The following KIF5C variants were observed in gnomAD, a reference collection of about 807,000 sequenced individuals.
KIF5C encodes kinesin family member 5C.
KIF5C carries 18 observed loss-of-function variants against 125.2 expected under a neutral mutation model. The observed-to-expected ratio is 0.14, with a 90% CI of 0.10 to 0.21. KIF5C has a LOEUF of 0.21. Among genes scored for constraint, KIF5C ranks in the 10% least tolerant of loss-of-function variants. The pLI is 1.00. For missense variants in KIF5C, 780 were observed against 1,183.8 expected, an observed-to-expected ratio of 0.66 and a Z score of 5.01; for synonymous variants, 405 against 434.0, an observed-to-expected ratio of 0.93 and a Z score of 0.83.
intron 6 of KIF5C, 145 bp from the exon 7 acceptor site, chr2:148,942,528 C>A (rs547405050): frequency 2.2e-6 from 3 of 1,373,466 alleles, no homozygotes; most frequent in East Asian, 5.1e-5. Flanking sequence ...AAGCCCTGGG[C>A]AAGGAGGAAA....
At chr2:149,014,316 G>A (rs1201529529) in intron 25 of KIF5C, among the ~76,000 whole-genome samples, 2 of 152,148 alleles carry the variant, frequency 1.3e-5, no homozygotes, top group Non-Finnish European at 2.9e-5. Context: ...GTGAGCTACT[G>A]CACCCAGCTG....
chr2:149,002,953 G>A (rs1423336268), intron 21 of KIF5C, among the ~76,000 whole-genome samples: 2 of 152,210 alleles, frequency 1.3e-5, no homozygotes, highest in Non-Finnish European at 2.9e-5. Context: ...CTGCTCGTCC[G>A]TTCTCTCTCC....
chr2:148,923,827 G>A (rs995689653), intron 2 of KIF5C, among the ~76,000 whole-genome samples: 4 of 152,132 alleles, frequency 2.6e-5, no homozygotes, highest in Admixed American at 6.5e-5. Flanking sequence ...AATACTCTTT[G>A]AGTCTTTATT....
intron 11 of KIF5C, among the ~76,000 whole-genome samples, chr2:148,962,794 T>G (rs1401186870): frequency 1.3e-5 from 2 of 152,234 alleles, no homozygotes; most frequent in Admixed American, 6.5e-5. Context: ...CTCAGACTGC[T>G]TTTGACTTAA....
intron 6 of KIF5C, among the ~76,000 whole-genome samples, chr2:148,942,232 A>C (rs1682425913): frequency 6.6e-6 from 1 of 152,198 alleles, no homozygotes; most frequent in South Asian, 2.1e-4. Flanking sequence ...ATTGAGTGCA[A>C]CTGTTTTTAC....
chr2:148,955,891 C>T (rs1177075410), intron 10 of KIF5C, among the ~76,000 whole-genome samples: 2 of 152,168 alleles, frequency 1.3e-5, no homozygotes, highest in Non-Finnish European at 2.9e-5. Flanking sequence ...CTATCCTGAA[C>T]ACCTGGTGAG....
chr2:148,921,217 C>T (rs1190512663), intron 1 of KIF5C, among the ~76,000 whole-genome samples: 1 of 152,192 alleles, frequency 6.6e-6, no homozygotes, highest in African/African-American at 2.4e-5. Context: ...CTTACCTCTA[C>T]TAGTTATTTC....
chr2:148,916,797 C>T (rs960160489), intron 1 of KIF5C, among the ~76,000 whole-genome samples: 3 of 152,052 alleles, frequency 2.0e-5, no homozygotes, highest in South Asian at 2.1e-4. Flanking sequence ...GTTTCCTTGA[C>T]GTTTGGAGAG....
chr2:148,991,209 C>T lies in KIF5C; in HGVS notation c.1905+11C>T. The stretch of plus-strand genomic sequence containing the variant: ...CTGCTCATCTCCCAGGTGGGCCCTT[C>T]CCTTCCCCATCATTGCACTCTTGTT... On this transcript the variant is annotated intron_variant, in intron 16 of 25. Transcript: ENST00000435030. The T allele has an allele frequency of 6.2e-7, 1 of 1,611,896 alleles. No homozygotes were observed. Among genetic ancestry groups the T allele is most frequent in the Non-Finnish European group, 8.5e-7 (1 of 1,179,054 alleles).
At chr2:148,969,167 T>G (rs1381701361) in intron 11 of KIF5C, among the ~76,000 whole-genome samples, 3 of 152,200 alleles carry the variant, frequency 2.0e-5, no homozygotes, top group Non-Finnish European at 4.4e-5. Flanking sequence ...TTTTAGAAAT[T>G]TTAATAGCCC....
chr2:148,962,061 C>T lies in KIF5C; in HGVS notation c.1059C>T (p.Asn353=). 6.2e-7 allele frequency: 1 copy of T among 1,613,718 alleles called. No homozygotes were observed. The highest frequency in any genetic ancestry group is 1.1e-5 in the South Asian group (1 of 91,014). ...KKKYEKEKEK[N]KTLKNVIQHL... Reference sequence around the variant, plus strand: ...AATATGAAAAAGAGAAAGAGAAAAACAAGACTTTGAAGAATGTTATCCAGC... The same window carrying T: ...AATATGAAAAAGAGAAAGAGAAAAATAAGACTTTGAAGAATGTTATCCAGC... Residue 353 remains asparagine (N), a synonymous_variant, in exon 11 of 26, where the codon AAC becomes AAT. Transcript: ENST00000435030.
At chr2:148,966,776 C>CA (rs1195909444) in intron 11 of KIF5C, among the ~76,000 whole-genome samples, 1 of 152,112 alleles carries the variant, frequency 6.6e-6, no homozygotes, top group Non-Finnish European at 1.5e-5. Context: ...GATGGACTCT[C>CA]ATGAATGGCA....
chr2:148,933,602 A>G (rs1682223283), intron 3 of KIF5C, among the ~76,000 whole-genome samples: 1 of 151,104 alleles, frequency 6.6e-6, no homozygotes, highest in African/African-American at 2.4e-5. Flanking sequence ...ACACACAGAC[A>G]CGTCACACAC....
Position 148,876,346 on chromosome 2 carries a change from C to G in KIF5C, c.126+603C>G, listed in dbSNP as rs1359461287. 6.6e-6 allele frequency among the ~76,000 whole-genome samples: 1 copy of G among 152,174 alleles called. No individual in the cohort carries two copies. Among genetic ancestry groups the G allele is most frequent in the East Asian group, 1.9e-4 (1 of 5,178 alleles). ...GGGGGAGTACTGGTGGCCTCGGTGT[C>G]CCCTGGAGGCCTGGTGTGTCTCCCG... On this transcript the variant is annotated intron_variant, in intron 1 of 25. Coordinates refer to ENST00000435030, the MANE Select transcript of KIF5C (RefSeq NM_004522.3). This position sits in a 1 kb window ranked among gnomAD's most constrained non-coding sequence, Gnocchi z 4.7.
chr2:148,973,325 A>G lies in KIF5C; in HGVS notation c.1118-11A>G. 1.9e-6 allele frequency: 3 copies of G among 1,606,756 alleles called. No individual in the cohort carries two copies. Among genetic ancestry groups the G allele is most frequent in the Non-Finnish European group, 1.7e-6 (2 of 1,177,536 alleles). The stretch of plus-strand genomic sequence containing the variant: ...CTTTAATCCCCAACTCTGCTCGGCT[A>G]TGTTTTGCAGGAGAAGCTGTGCCTG... On this transcript the variant is annotated splice_polypyrimidine_tract_variant and intron_variant, in intron 11 of 25. Coordinates refer to ENST00000435030, the MANE Select transcript of KIF5C (RefSeq NM_004522.3).
intron 25 of KIF5C, chr2:149,020,499 C>T (rs1399563145): frequency 6.6e-6 from 1 of 152,310 alleles, no homozygotes; most frequent in East Asian, 1.9e-4. Context: ...GAGAGGCCTT[C>T]CAGGGGGAAA....
At chr2:149,006,897 A>G (rs1007220669) in intron 22 of KIF5C, among the ~76,000 whole-genome samples, 5 of 152,160 alleles carry the variant, frequency 3.3e-5, no homozygotes, top group African/African-American at 9.7e-5. Context: ...GGTGGAAGCC[A>G]TGACCATACA....
intron 10 of KIF5C, among the ~76,000 whole-genome samples, chr2:148,957,927 C>T (rs1450191209): frequency 6.6e-6 from 1 of 151,176 alleles, no homozygotes; most frequent in Non-Finnish European, 1.5e-5. Context: ...TTGTTATTGC[C>T]TGTCTTTGAA....
At chr2:148,879,261 C>G (rs1681280577) in intron 1 of KIF5C, 1 of 152,154 alleles carries the variant, frequency 6.6e-6, no homozygotes, top group Non-Finnish European at 1.5e-5. Flanking sequence ...TTTATACTTC[C>G]CAGGGCTTTG....
Sources: gnomAD v4.1 joint callset for allele counts (sites outside exome capture counted in the v4.1 genomes callset) on GRCh38, gnomAD v4.1.1 for gene constraint, Gnocchi (gnomAD v3.1) non-coding constraint, MANE v1.5 for transcripts, NCBI Gene and HGNC (gene_info 2026-07-23, HGNC 2026-07-21) for gene names.